MSI2: variants seen among roughly 807,000 people sequenced by gnomAD.
The protein encoded by MSI2 is musashi RNA binding protein 2.
Under a neutral mutation model 45.6 loss-of-function variants are expected in MSI2, and 17 were observed. The ratio of observed to expected loss-of-function variants is 0.37; its 90% confidence interval spans 0.26 to 0.56. The LOEUF is 0.56. Among genes scored for constraint, MSI2 ranks in the 20% least tolerant of loss-of-function variants. MSI2 has a pLI of 0.77. For missense variants in MSI2, 293 were observed against 444.2 expected (o/e 0.66, Z 3.06); for synonymous variants, 156 against 158.2 (o/e 0.99, Z 0.11).
intron 5 of MSI2, among the ~76,000 whole-genome samples, chr17:57,313,097 A>G (rs1476519739): frequency 6.6e-6 from 1 of 152,160 alleles, no homozygotes; most frequent in East Asian, 1.9e-4. Context: ...CACCAGCCTC[A>G]GCCTCCCAAA....
the MSI2 span, among the ~76,000 whole-genome samples, chr17:57,696,570 A>G: frequency 1.3e-5 from 2 of 152,032 alleles, no homozygotes; most frequent in African/African-American, 4.8e-5. Context: ...CCCTATCTCT[A>G]CAAAAAAATT....
At chr17:57,260,921 T>A (rs933769230) in intron 4 of MSI2, among the ~76,000 whole-genome samples, 5 of 150,904 alleles carry the variant, frequency 3.3e-5, no homozygotes, top group African/African-American at 9.8e-5. Flanking sequence ...TACTCTTTTC[T>A]CCCCTGCTCC....
At chr17:57,646,064 C>T (rs1474288288) in intron 10 of MSI2, among the ~76,000 whole-genome samples, 1 of 152,138 alleles carries the variant, frequency 6.6e-6, no homozygotes, top group African/African-American at 2.4e-5. Context: ...CAGCCCATAC[C>T]CTCATCCACT....
chr17:57,422,547 C>T (rs543610310), intron 6 of MSI2, among the ~76,000 whole-genome samples: 5 of 152,254 alleles, frequency 3.3e-5, no homozygotes, highest in South Asian at 4.1e-4. Context: ...AATGAGGGTC[C>T]GGGACAGGAA....
intron 5 of MSI2, among the ~76,000 whole-genome samples, chr17:57,306,853 A>G (rs2143577209): frequency 6.6e-6 from 1 of 152,258 alleles, no homozygotes; most frequent in Middle Eastern, 3.4e-3. Flanking sequence ...AATATTCCTT[A>G]GTATACACAA....
In MSI2 at chr17:57,458,380, G is replaced by A. The variant is rs561360234; in HGVS notation, c.405+56909G>A. On this transcript the variant is annotated intron_variant, in intron 6 of 13. Coordinates refer to ENST00000284073, the MANE Select transcript of MSI2 (RefSeq NM_138962.4). ...CTCCCAAAGTGCTGGGATTATAGGCGTGAGCCACCGTGCCCGGCCACATAT... is the reference window on the plus strand; with the variant it reads ...CTCCCAAAGTGCTGGGATTATAGGCATGAGCCACCGTGCCCGGCCACATAT... 1.2e-4 allele frequency among the ~76,000 whole-genome samples: 19 copies of A among 152,324 alleles called. No individual in the cohort carries two copies. The South Asian group carries it at 3.3e-3, about 27-fold the overall frequency.
intron 6 of MSI2, among the ~76,000 whole-genome samples, chr17:57,467,749 C>T (rs1015813080): frequency 5.3e-5 from 8 of 152,072 alleles, no homozygotes; most frequent in East Asian, 1.9e-4. Context: ...GACAGTCTTC[C>T]GTGAACATTT....
chr17:57,589,485 G>C (rs970501009), intron 7 of MSI2, among the ~76,000 whole-genome samples: 1 of 152,214 alleles, frequency 6.6e-6, no homozygotes, highest in Non-Finnish European at 1.5e-5. Flanking sequence ...TTGCAGGACA[G>C]CTGACTTGCC....
intron 6 of MSI2, among the ~76,000 whole-genome samples, chr17:57,427,154 T>TG (rs777121496): frequency 7.2e-5 from 11 of 152,192 alleles, no homozygotes; most frequent in Non-Finnish European, 1.5e-4. Flanking sequence ...CCCAGCACTT[T>TG]GGGAGGCAGA....
chr17:57,350,561 T>G (rs1201718955), intron 5 of MSI2, among the ~76,000 whole-genome samples: 1 of 151,996 alleles, frequency 6.6e-6, no homozygotes, highest in African/African-American at 2.4e-5. Flanking sequence ...GCAGGGTCAT[T>G]TCTCCCTCTC....
chr17:57,446,404 G>A (rs904658332), intron 6 of MSI2, among the ~76,000 whole-genome samples: 2 of 152,200 alleles, frequency 1.3e-5, no homozygotes, highest in Non-Finnish European at 2.9e-5. Flanking sequence ...GGAAGAATTC[G>A]CAGTGCCCTA....
At chr17:57,477,132 G>A (rs917058815) in intron 6 of MSI2, among the ~76,000 whole-genome samples, 2 of 148,384 alleles carry the variant, frequency 1.3e-5, no homozygotes, top group Middle Eastern at 3.5e-3. Context: ...ACTTCTGTTG[G>A]TCCATAAGGC....
At chr17:57,346,228 T>C (rs1225006112) in intron 5 of MSI2, among the ~76,000 whole-genome samples, 1 of 152,212 alleles carries the variant, frequency 6.6e-6, no homozygotes, top group Non-Finnish European at 1.5e-5. Flanking sequence ...CTTGCTCACT[T>C]GTATTTCGTG....
At chr17:57,471,982 T>C (rs2085446016) in intron 6 of MSI2, among the ~76,000 whole-genome samples, 1 of 59,232 alleles carries the variant, frequency 1.7e-5, no homozygotes, top group Non-Finnish European at 4.3e-5. Context: ...GTCCTCTAGA[T>C]TTTGAGGAGC....
intron 5 of MSI2, among the ~76,000 whole-genome samples, chr17:57,288,253 T>G (rs959192118): frequency 6.6e-6 from 1 of 152,226 alleles, no homozygotes; most frequent in African/African-American, 2.4e-5. Flanking sequence ...TGGCATCTGT[T>G]AGGTGCTTAG....
chr17:57,461,325 A>G (rs1567837832), intron 6 of MSI2, among the ~76,000 whole-genome samples: 1 of 152,150 alleles, frequency 6.6e-6, no homozygotes, highest in Non-Finnish European at 1.5e-5. Flanking sequence ...CCCAAGTCTC[A>G]CAGGTTCAAT....
chr17:57,632,305 C>CACACAGAG, intron 10 of MSI2: 2 of 1,071,014 alleles, frequency 1.9e-6, no homozygotes, highest in Non-Finnish European at 2.3e-6. Flanking sequence ...TAAAGGTGAA[C>CACACAGAG]ACACAGAGAC....
chr17:57,335,973 G>A (rs11656123), intron 5 of MSI2, among the ~76,000 whole-genome samples: 14,430 of 152,240 alleles, frequency 0.095, 746 homozygotes, highest in South Asian at 0.12. Flanking sequence ...TATTCGGTGT[G>A]CAAGGGGAAG....
chr17:57,651,383 G>A (rs1298734190), intron 10 of MSI2, among the ~76,000 whole-genome samples: 1 of 152,038 alleles, frequency 6.6e-6, no homozygotes, highest in Non-Finnish European at 1.5e-5. Context: ...TGCCTCAGGA[G>A]GTTGAAACAC....
Sources: allele counts gnomAD v4.1 joint callset (sites outside exome capture counted in the v4.1 genomes callset), GRCh38; gene constraint gnomAD v4.1.1; transcripts MANE v1.5; gene names NCBI Gene and HGNC (gene_info 2026-07-23, HGNC 2026-07-21).